PDIA6: variants seen among roughly 807,000 people sequenced by gnomAD.
PDIA6 encodes the protein protein disulfide isomerase family A member 6, also known as protein disulfide-isomerase A6.
PDIA6 carries 29 observed loss-of-function variants against 58.4 expected under a neutral mutation model. The ratio of observed to expected loss-of-function variants is 0.50; its 90% CI spans 0.37 to 0.68. PDIA6 has a LOEUF of 0.68. Ranked by LOEUF, PDIA6 falls within the 30% of genes least tolerant of loss-of-function variation. The probability of loss-of-function intolerance (pLI) is 0.00; values close to 1 mark genes in which losing one functional copy is unlikely to be tolerated. For missense variants in PDIA6, 480 were observed against 551.0 expected (o/e 0.87, Z 1.29); for synonymous variants, 192 against 202.6 (o/e 0.95, Z 0.44).
At chr2:10,789,678 C>T (rs1310000950) in intron 8 of PDIA6, 71 bp downstream of exon 8, 3 of 1,404,760 alleles carry the variant, frequency 2.1e-6, no homozygotes, top group Non-Finnish European at 3.0e-6. Context: ...AACAGTGTGT[C>T]ACACTGCTTT....
intron 1 of PDIA6, among the ~76,000 whole-genome samples, chr2:10,828,836 G>A (rs1667628716): frequency 6.6e-6 from 1 of 152,252 alleles, no homozygotes; most frequent in Non-Finnish European, 1.5e-5. Flanking sequence ...GTGCATGGAT[G>A]TGTTCGGAAA....
At chr2:10,812,810 A>C (rs1290939723), upstream of PDIA6, 1 of 1,190,992 alleles carries the variant, frequency 8.4e-7, no homozygotes. Context: ...CGGTGGTCCG[A>C]GGGGCGGCCG....
chr2:10,826,682 G>A (rs1334034552), intron 1 of PDIA6, among the ~76,000 whole-genome samples: 2 of 152,152 alleles, frequency 1.3e-5, no homozygotes, highest in African/African-American at 4.8e-5. Flanking sequence ...TTAATTGGGT[G>A]AATCATATGG....
At chr2:10,787,817 C>G (rs1329767969) in intron 10 of PDIA6, among the ~76,000 whole-genome samples, 2 of 152,174 alleles carry the variant, frequency 1.3e-5, no homozygotes, top group African/African-American at 4.8e-5. Context: ...GTGATCCCAG[C>G]ACTTTGGGAG....
upstream of PDIA6, among the ~76,000 whole-genome samples, chr2:10,834,736 T>TCCC: frequency 5.4e-5 from 1 of 18,502 alleles, no homozygotes; most frequent in African/African-American, 2.3e-4. Flanking sequence ...CCTTCCCTCC[T>TCCC]TCCTTCCTTC....
At chr2:10,811,124 C>T (rs1666984338) in intron 1 of PDIA6, among the ~76,000 whole-genome samples, 2 of 152,288 alleles carry the variant, frequency 1.3e-5, no homozygotes, top group South Asian at 2.1e-4. Context: ...AATAGACTCA[C>T]GGACTCTTTC....
chr2:10,797,604 A>G (rs1337661604), intron 3 of PDIA6, 96 bp downstream of exon 3: 2 of 836,260 alleles, frequency 2.4e-6, no homozygotes, highest in Non-Finnish European at 4.0e-6. Flanking sequence ...CCATCTGCAT[A>G]CTTATTACTT....
chr2:10,822,726 G>T (rs1667437388), intron 1 of PDIA6, among the ~76,000 whole-genome samples: 1 of 152,160 alleles, frequency 6.6e-6, no homozygotes, highest in African/African-American at 2.4e-5. Flanking sequence ...GTAGCATTTG[G>T]GTATATGTTC....
intron 8 of PDIA6, 148 bp from the exon 9 acceptor site, chr2:10,789,129 T>G (rs1425784211): frequency 1.5e-6 from 1 of 653,950 alleles, no homozygotes; most frequent in Non-Finnish European, 2.8e-6. Flanking sequence ...CCTGGAGGCA[T>G]GTTCTCTAAG....
At chr2:10,830,753 C>T (rs1667687457) in intron 1 of PDIA6, among the ~76,000 whole-genome samples, 1 of 152,346 alleles carries the variant, frequency 6.6e-6, no homozygotes, top group African/African-American at 2.4e-5. Flanking sequence ...CTCGGGTCAC[C>T]CCCTGCGCGG....
At chr2:10,787,863 G>A (rs774935747) in intron 10 of PDIA6, among the ~76,000 whole-genome samples, 4 of 152,030 alleles carry the variant, frequency 2.6e-5, no homozygotes, top group Admixed American at 6.6e-5. Flanking sequence ...TCAGGAGTTC[G>A]AGACCAGCCT....
intron 2 of PDIA6, among the ~76,000 whole-genome samples, chr2:10,801,684 C>T (rs941922387): frequency 6.6e-6 from 1 of 152,202 alleles, no homozygotes; most frequent in Non-Finnish European, 1.5e-5. Context: ...CCATTTGCTA[C>T]ACTGAGCATG....
chr2:10,789,022 T>G, intron 8 of PDIA6, 41 bp from the exon 9 acceptor site: 1 of 1,429,916 alleles, frequency 7.0e-7, no homozygotes, highest in African/African-American at 1.4e-5. Flanking sequence ...GGAGGCTGCA[T>G]GATACAACAC....
chr2:10,800,601 C>CTT (rs1053841190), intron 2 of PDIA6, among the ~76,000 whole-genome samples: 1 of 140,894 alleles, frequency 7.1e-6, no homozygotes, highest in Non-Finnish European at 1.6e-5. Flanking sequence ...TAAAGGAGAT[C>CTT]TTTTTTTTTT....
chr2:10,833,210 G>C (rs1667752212), upstream of PDIA6, among the ~76,000 whole-genome samples: 1 of 152,194 alleles, frequency 6.6e-6, no homozygotes, highest in Non-Finnish European at 1.5e-5. Context: ...CCATGTCTGT[G>C]TGGCCTCTAG....
chr2:10,834,732 C>CCT (rs1667790757), upstream of PDIA6, among the ~76,000 whole-genome samples: 147 of 36,406 alleles, frequency 4.0e-3, 1 homozygote, highest in East Asian at 0.017. Context: ...CCTTCCTTCC[C>CCT]TCCTTCCTTC....
chr2:10,837,420 G>A (rs1667850516), upstream of PDIA6: 3 of 637,320 alleles, frequency 4.7e-6, no homozygotes, highest in Admixed American at 2.6e-5. Flanking sequence ...GGAAATCAGA[G>A]AGGAATAAAA....
chr2:10,818,499 T>C (rs1421288819), intron 2 of PDIA6, among the ~76,000 whole-genome samples: 1 of 123,318 alleles, frequency 8.1e-6, no homozygotes, highest in African/African-American at 3.0e-5. Context: ...TATTTATTTA[T>C]TTATTTATTT....
chr2:10,792,210 G>C (rs1470330640), intron 5 of PDIA6, among the ~76,000 whole-genome samples: 1 of 152,142 alleles, frequency 6.6e-6, no homozygotes, highest in African/African-American at 2.4e-5. Flanking sequence ...CCTCAACATG[G>C]CTCAAAAAAC....
Sources: allele counts gnomAD v4.1 joint callset (sites outside exome capture counted in the v4.1 genomes callset), GRCh38; gene constraint gnomAD v4.1.1; transcripts MANE v1.5; gene names NCBI Gene and HGNC (gene_info 2026-07-23, HGNC 2026-07-21).